The following SMURF2 variants were observed in gnomAD, a reference collection of about 807,000 sequenced individuals.
SMURF2 encodes the protein SMAD specific E3 ubiquitin protein ligase 2.
SMURF2 carries 48 observed loss-of-function variants against 109.6 expected under a neutral mutation model. That is an observed-to-expected ratio of 0.44 (90% CI 0.35 to 0.56). The LOEUF is 0.56. Ranked by LOEUF, SMURF2 falls within the 20% of genes least tolerant of loss-of-function variation. SMURF2 has a pLI of 0.01. For missense variants in SMURF2, 575 were observed against 909.0 expected (o/e 0.63, Z 4.72); for synonymous variants, 288 against 317.1 (o/e 0.91, Z 0.97).
intron 10 of SMURF2, chr17:64,563,174 G>A (rs1969249735): frequency 9.1e-6 from 4 of 441,884 alleles, no homozygotes; most frequent in Middle Eastern, 6.4e-4. Context: ...TGACAGAATT[G>A]GATAATGGAA....
At chr17:64,563,428 A>T (rs1320856881) in intron 10 of SMURF2, among the ~76,000 whole-genome samples, 2 of 152,246 alleles carry the variant, frequency 1.3e-5, no homozygotes, top group Admixed American at 1.3e-4. Context: ...ATACAAAGAA[A>T]ATACACCTTT....
At chr17:64,630,105 G>A (rs1970318368) in intron 1 of SMURF2, among the ~76,000 whole-genome samples, 1 of 151,980 alleles carries the variant, frequency 6.6e-6, no homozygotes, top group Non-Finnish European at 1.5e-5. Context: ...GCATGGTGGT[G>A]CACGCCTGTA....
chr17:64,584,588 A>C (rs1328579197), intron 6 of SMURF2, among the ~76,000 whole-genome samples: 1 of 151,726 alleles, frequency 6.6e-6, no homozygotes, highest in African/African-American at 2.4e-5. Flanking sequence ...TGATCTCTTG[A>C]CCATGTAGTC....
chr17:64,620,462 C>T (rs1482910002), intron 1 of SMURF2, among the ~76,000 whole-genome samples: 2 of 152,172 alleles, frequency 1.3e-5, no homozygotes, highest in Admixed American at 1.3e-4. Context: ...CTCTCATTAA[C>T]CCCTAGACTG....
At chr17:64,629,812 T>C (rs1234171982) in intron 1 of SMURF2, among the ~76,000 whole-genome samples, 1 of 152,188 alleles carries the variant, frequency 6.6e-6, no homozygotes, top group Non-Finnish European at 1.5e-5. Context: ...AAAAACCATA[T>C]GTCTCTTCAA....
intron 16 of SMURF2, among the ~76,000 whole-genome samples, chr17:64,549,459 A>C (rs1406862520): frequency 6.6e-6 from 1 of 150,928 alleles, no homozygotes; most frequent in Non-Finnish European, 1.5e-5. Context: ...TAAAAATAAA[A>C]AGTTTAATGA....
At chr17:64,567,877 C>T (rs1178254057) in intron 10 of SMURF2, among the ~76,000 whole-genome samples, 32 of 122,040 alleles carry the variant, frequency 2.6e-4, no homozygotes, top group Admixed American at 2.6e-3. Flanking sequence ...TTTTTTGAGA[C>T]GGAGTTTCGC....
chr17:64,601,460 C>G (rs1555688565), intron 2 of SMURF2, among the ~76,000 whole-genome samples: 1 of 152,144 alleles, frequency 6.6e-6, no homozygotes, highest in East Asian at 1.9e-4. Flanking sequence ...CTCAGCATCA[C>G]TAAGTATCAG....
chr17:64,613,673 AGTGTGTGTGT>A (rs61060865), intron 1 of SMURF2, among the ~76,000 whole-genome samples: 223 of 20,776 alleles, frequency 0.011, no homozygotes, highest in Middle Eastern at 0.031. Context: ...TCCACGGACC[AGTGTGTGTGT>A]GTGTGTGTGT....
rs993648881 is a variant in SMURF2, at chr17:64,581,944, G to C, written c.570-953C>G. Among the ~76,000 whole-genome samples, 6 of 149,980 alleles carry C rather than the reference G, an allele frequency of 4.0e-5. No homozygotes were observed. Among genetic ancestry groups the C allele is most frequent in the Admixed American group, 6.7e-5 (1 of 14,984 alleles). The stretch of plus-strand genomic sequence containing the variant: ...CCACTGCACTCTAGCCTAGGCAATA[G>C]AGCGGGACTCCATCTCCAAAAAAAA... On this transcript the variant is annotated intron_variant, in intron 7 of 18. Coordinates refer to ENST00000262435, the MANE Select transcript of SMURF2 (RefSeq NM_022739.4). This position sits in a 1 kb window ranked among gnomAD's most constrained non-coding sequence, Gnocchi z 4.3.
chr17:64,616,512 TG>T (rs1251929127), intron 1 of SMURF2, among the ~76,000 whole-genome samples: 1 of 151,948 alleles, frequency 6.6e-6, no homozygotes, highest in Non-Finnish European at 1.5e-5. Flanking sequence ...CAGCCATGTG[TG>T]GTGGCAGGTG....
chr17:64,654,037 G>A (rs1005317164), intron 1 of SMURF2, among the ~76,000 whole-genome samples: 3 of 152,060 alleles, frequency 2.0e-5, no homozygotes, highest in Admixed American at 6.5e-5. Context: ...TATAGTGACC[G>A]AAAACAGATC....
chr17:64,633,911 C>T (rs1389415455), intron 1 of SMURF2, among the ~76,000 whole-genome samples: 2 of 152,092 alleles, frequency 1.3e-5, no homozygotes, highest in Non-Finnish European at 2.9e-5. Context: ...CATCCCAACA[C>T]TTTAGGAGGC....
intron 1 of SMURF2, among the ~76,000 whole-genome samples, chr17:64,621,952 C>CAATAATAATAATAAT (rs782162183): frequency 5.8e-4 from 76 of 130,484 alleles, no homozygotes; most frequent in Admixed American, 1.9e-3. Context: ...GCCATCATCG[C>CAATAATAATAATAAT]AATAATAATA....
chr17:64,650,273 G>T (rs113295273), intron 1 of SMURF2, among the ~76,000 whole-genome samples: 12,609 of 145,952 alleles, frequency 0.086, 1,228 homozygotes, highest in African/African-American at 0.24. Context: ...CTGAGCTCAA[G>T]CAATCCTCCA....
At chr17:64,559,570 C>T (rs1459151124) in intron 12 of SMURF2, among the ~76,000 whole-genome samples, 1 of 150,986 alleles carries the variant, frequency 6.6e-6, no homozygotes, top group Non-Finnish European at 1.5e-5. Flanking sequence ...TCCAGCCTGG[C>T]GACAGAGTGA....
chr17:64,620,647 T>G (rs1970189112), intron 1 of SMURF2, among the ~76,000 whole-genome samples: 1 of 152,210 alleles, frequency 6.6e-6, no homozygotes, highest in Admixed American at 6.5e-5. Context: ...CTGATTTTGA[T>G]CTCTTCCTTC....
chr17:64,590,005 T>C (rs1402870912), intron 5 of SMURF2, among the ~76,000 whole-genome samples: 3 of 152,078 alleles, frequency 2.0e-5, no homozygotes, highest in East Asian at 1.9e-4. Context: ...GATGGTTCTC[T>C]AACTATGAAC....
chr17:64,616,449 G>C (rs554849304), intron 1 of SMURF2, among the ~76,000 whole-genome samples: 2 of 151,784 alleles, frequency 1.3e-5, no homozygotes, highest in South Asian at 2.1e-4. Context: ...AGGAGTTTGA[G>C]ACCAGCCTGG....
Sources: allele counts gnomAD v4.1 joint callset (sites outside exome capture counted in the v4.1 genomes callset), GRCh38; gene constraint gnomAD v4.1.1; non-coding constraint Gnocchi (gnomAD v3.1); transcripts MANE v1.5; gene names NCBI Gene and HGNC (gene_info 2026-07-23, HGNC 2026-07-21).